CERS6: variants seen among roughly 807,000 people sequenced by gnomAD.
The protein encoded by CERS6 is ceramide synthase 6.
In CERS6, 26 loss-of-function variants were observed where a neutral mutation model predicts 56.8. That is an observed-to-expected ratio of 0.46 (90% CI 0.34 to 0.63). The LOEUF is 0.63. Ranked by LOEUF, CERS6 falls within the 30% of genes least tolerant of loss-of-function variation. The pLI, the probability that CERS6 is intolerant of heterozygous loss-of-function variation, is 0.01. For synonymous variants in CERS6, 164 were observed against 173.3 expected (o/e 0.95, Z 0.42); for missense variants, 415 against 467.5 (o/e 0.89, Z 1.04).
At position 168,773,755 on chromosome 2, in the gene CERS6, C is replaced by T. The variant is rs920171189; in HGVS notation, c.*4093C>T. On this transcript the variant is annotated 3_prime_UTR_variant, in exon 10 of 10. Coordinates refer to ENST00000305747, the MANE Select transcript of CERS6 (RefSeq NM_203463.3). Reference sequence around the variant, plus strand: ...TGGTAAAATGAAATTGTGCCATTGTCAAAGTACCCCGTAGTGATGAGCACT... The same window carrying T: ...TGGTAAAATGAAATTGTGCCATTGTTAAAGTACCCCGTAGTGATGAGCACT... The T allele has an allele frequency of 2.0e-5, 3 of 152,212 alleles. No individual in the cohort carries two copies. The highest frequency in any genetic ancestry group is 1.3e-4 in the Admixed American group (2 of 15,282). The allele number at this position is 152,212 out of a possible 1,614,324, so 9.4% of individuals were successfully genotyped here.
chr2:168,763,496 A>G (rs1684639910), intron 8 of CERS6, among the ~76,000 whole-genome samples: 1 of 152,012 alleles, frequency 6.6e-6, no homozygotes, highest in Non-Finnish European at 1.5e-5. Context: ...TCCTGACCTC[A>G]GGTGATCCAC....
At chr2:168,713,312 T>G (rs1337088784) in intron 6 of CERS6, among the ~76,000 whole-genome samples, 1 of 151,938 alleles carries the variant, frequency 6.6e-6, no homozygotes, top group African/African-American at 2.4e-5. Context: ...CTGTCTCCCC[T>G]AGAGAGAGAG....
At chr2:168,714,927 G>C (rs1687190509) in intron 6 of CERS6, 74 bp from the exon 7 acceptor site, 1 of 1,437,338 alleles carries the variant, frequency 7.0e-7, no homozygotes, top group African/African-American at 1.4e-5. Flanking sequence ...GTAAATACTG[G>C]TTCAGTGGCT....
intron 8 of CERS6, among the ~76,000 whole-genome samples, chr2:168,742,932 G>A (rs1177134790): frequency 6.6e-6 from 1 of 152,170 alleles, no homozygotes. Context: ...TCGCTAAACA[G>A]TAGAACCAGT....
At chr2:168,533,665 C>A (rs1348046385) in intron 1 of CERS6, among the ~76,000 whole-genome samples, 1 of 152,030 alleles carries the variant, frequency 6.6e-6, no homozygotes, top group East Asian at 1.9e-4. Context: ...TCATTTTGAC[C>A]TTGGAGAATC....
At chr2:168,561,554 T>C (rs928195553) in intron 3 of CERS6, among the ~76,000 whole-genome samples, 1 of 152,174 alleles carries the variant, frequency 6.6e-6, no homozygotes, top group African/African-American at 2.4e-5. Flanking sequence ...AGTAAGCATA[T>C]TATAAAAGGA....
chr2:168,542,387 T>C (rs1695388368), intron 1 of CERS6, among the ~76,000 whole-genome samples: 1 of 152,234 alleles, frequency 6.6e-6, no homozygotes, highest in Admixed American at 6.5e-5. Context: ...TCTTCCGATC[T>C]TAATCAGATT....
At chr2:168,752,309 GTGTGTGTGTA>G (rs1187340554) in intron 8 of CERS6, among the ~76,000 whole-genome samples, 48 of 147,012 alleles carry the variant, frequency 3.3e-4, no homozygotes, top group Non-Finnish European at 4.4e-4. Flanking sequence ...GTGTGTGTGT[GTGTGTGTGTA>G]TAGAGAGAGA....
chr2:168,601,089 T>C (rs142762002), intron 3 of CERS6, among the ~76,000 whole-genome samples: 1 of 152,296 alleles, frequency 6.6e-6, no homozygotes, highest in Non-Finnish European at 1.5e-5. Flanking sequence ...TCAGTACTTA[T>C]TACACTTCAG....
At chr2:168,641,474 C>G (rs987389036) in intron 4 of CERS6, among the ~76,000 whole-genome samples, 2 of 152,178 alleles carry the variant, frequency 1.3e-5, no homozygotes, top group Non-Finnish European at 2.9e-5. Flanking sequence ...TCCCAGGCAG[C>G]TGGATGCATG....
intron 3 of CERS6, among the ~76,000 whole-genome samples, chr2:168,595,653 C>T (rs966811159): frequency 1.3e-5 from 2 of 152,126 alleles, no homozygotes; most frequent in African/African-American, 4.8e-5. Context: ...TTAACATTTT[C>T]ATTATACATT....
At chr2:168,472,805 G>A (rs1694001777) in intron 1 of CERS6, among the ~76,000 whole-genome samples, 1 of 152,102 alleles carries the variant, frequency 6.6e-6, no homozygotes, top group Non-Finnish European at 1.5e-5. Flanking sequence ...TAAGTTTGTT[G>A]ACAAACTGGA....
At chr2:168,725,695 A>G (rs997798915) in intron 8 of CERS6, among the ~76,000 whole-genome samples, 3 of 152,242 alleles carry the variant, frequency 2.0e-5, no homozygotes, top group Admixed American at 6.5e-5. Flanking sequence ...AAAAGCTTCA[A>G]TGGTATATAT....
intron 3 of CERS6, among the ~76,000 whole-genome samples, chr2:168,621,604 G>A: frequency 6.6e-6 from 1 of 152,162 alleles, no homozygotes. Context: ...AAGACTAACG[G>A]GAAGGGACAG....
chr2:168,750,370 T>C (rs1445091419), intron 8 of CERS6, among the ~76,000 whole-genome samples: 1 of 152,098 alleles, frequency 6.6e-6, no homozygotes, highest in African/African-American at 2.4e-5. Flanking sequence ...TGTAGAAAAA[T>C]TAAAACCACA....
intron 1 of CERS6, among the ~76,000 whole-genome samples, chr2:168,476,349 A>G (rs1051007405): frequency 3.3e-5 from 5 of 152,182 alleles, no homozygotes; most frequent in Non-Finnish European, 7.3e-5. Context: ...CATGAAAGAT[A>G]AAACTCTCTC....
At chr2:168,704,790 G>C (rs1014131732) in intron 6 of CERS6, among the ~76,000 whole-genome samples, 1 of 152,026 alleles carries the variant, frequency 6.6e-6, no homozygotes, top group Non-Finnish European at 1.5e-5. Context: ...GTAGAGACGG[G>C]CATTTCACCG....
chr2:168,620,784 A>G (rs1341665566), intron 3 of CERS6, among the ~76,000 whole-genome samples: 1 of 145,064 alleles, frequency 6.9e-6, no homozygotes, highest in Non-Finnish European at 1.5e-5. Context: ...TTTTTTTAAG[A>G]CAAGGTCTTG....
chr2:168,571,072 C>T (rs1695976812), intron 3 of CERS6, among the ~76,000 whole-genome samples: 1 of 152,132 alleles, frequency 6.6e-6, no homozygotes. Context: ...TATTCTGGGC[C>T]TTGTGTCTTA....
Sources: allele counts gnomAD v4.1 joint callset (sites outside exome capture counted in the v4.1 genomes callset), GRCh38; gene constraint gnomAD v4.1.1; transcripts MANE v1.5; gene names NCBI Gene and HGNC (gene_info 2026-07-23, HGNC 2026-07-21).